Variants in DGKB observed in about 807,000 individuals in gnomAD.
DGKB encodes diacylglycerol kinase beta.
Under a neutral mutation model 114.3 loss-of-function variants are expected in DGKB, and 67 were observed. The ratio of observed to expected loss-of-function variants is 0.59; its 90% CI spans 0.48 to 0.72. The LOEUF is 0.72. Ranked by LOEUF, DGKB falls within the 30% of genes least tolerant of loss-of-function variation. The probability of loss-of-function intolerance (pLI) is 0.00; values close to 1 mark genes in which losing one functional copy is unlikely to be tolerated. For missense variants in DGKB, 907 were observed against 975.2 expected (o/e 0.93, Z 0.93); for synonymous variants, 398 against 323.1 (o/e 1.23, Z -2.49).
At chr7:14,820,731 C>A (rs1278088831) in intron 2 of DGKB, among the ~76,000 whole-genome samples, 1 of 152,104 alleles carries the variant, frequency 6.6e-6, no homozygotes, top group Non-Finnish European at 1.5e-5. Flanking sequence ...AATGCTCCTT[C>A]CTTGACATGT....
At chr7:14,440,958 A>T (rs1830005116) in intron 21 of DGKB, among the ~76,000 whole-genome samples, 1 of 151,978 alleles carries the variant, frequency 6.6e-6, no homozygotes, top group Admixed American at 6.6e-5. Flanking sequence ...GATTTTTCCT[A>T]ATTGAAACCA....
intron 21 of DGKB, among the ~76,000 whole-genome samples, chr7:14,353,118 A>G (rs922054802): frequency 1.3e-5 from 2 of 152,168 alleles, no homozygotes; most frequent in African/African-American, 4.8e-5. Flanking sequence ...AGCAAAATCT[A>G]ACTCAAGAAA....
chr7:14,296,674 A>C lies in DGKB; in HGVS notation c.2122+41841T>G, dbSNP rs536473572. ...AGCAAACAAATTCAAAAGCTAGCAG[A>C]AGACAAGAAGTAACTAAGATCAGAG... On this transcript the variant is annotated intron_variant, in intron 23 of 25. Transcript: ENST00000402815. Among the ~76,000 whole-genome samples, 6 of 152,156 alleles carry C rather than the reference A, an allele frequency of 3.9e-5. No homozygotes were observed. In the East Asian group the frequency reaches 1.2e-3, roughly 29 times the overall value.
chr7:14,608,750 T>C (rs186484983), intron 16 of DGKB, among the ~76,000 whole-genome samples: 29 of 152,078 alleles, frequency 1.9e-4, no homozygotes, highest in Admixed American at 1.6e-3. Flanking sequence ...AAAATAAATG[T>C]ATAAAAATCA....
chr7:14,435,239 A>G (rs1050305022), intron 21 of DGKB, among the ~76,000 whole-genome samples: 1 of 152,152 alleles, frequency 6.6e-6, no homozygotes, highest in Admixed American at 6.6e-5. Context: ...TATCACAAGG[A>G]AAGACTATAA....
chr7:14,411,561 G>A (rs965771659), intron 21 of DGKB, among the ~76,000 whole-genome samples: 1 of 152,078 alleles, frequency 6.6e-6, no homozygotes, highest in Non-Finnish European at 1.5e-5. Flanking sequence ...CTACCACTTG[G>A]TTGCTATGTA....
intron 23 of DGKB, among the ~76,000 whole-genome samples, chr7:14,301,665 G>T (rs1036592965): frequency 6.6e-6 from 1 of 152,030 alleles, no homozygotes; most frequent in Non-Finnish European, 1.5e-5. Context: ...ATGCATCTTT[G>T]TGTATATATA....
At chr7:14,327,604 G>C (rs1024148660) in intron 23 of DGKB, among the ~76,000 whole-genome samples, 4 of 151,968 alleles carry the variant, frequency 2.6e-5, no homozygotes, top group African/African-American at 9.7e-5. Flanking sequence ...ATTTTAAATT[G>C]TTAAATTTGA....
chr7:14,569,499 C>T (rs1019989858), intron 20 of DGKB, among the ~76,000 whole-genome samples: 1 of 152,192 alleles, frequency 6.6e-6, no homozygotes, highest in East Asian at 1.9e-4. Context: ...TTCTAGGAAG[C>T]TAGGTTTGAA....
intron 21 of DGKB, among the ~76,000 whole-genome samples, chr7:14,418,324 T>TAC: frequency 4.9e-5 from 7 of 143,224 alleles, no homozygotes. Flanking sequence ...TGTATGTATA[T>TAC]ATGTATATAT....
chr7:14,949,043 A>G (rs554383295), intron 1 of DGKB, among the ~76,000 whole-genome samples: 5 of 151,878 alleles, frequency 3.3e-5, no homozygotes, highest in Non-Finnish European at 5.9e-5. Flanking sequence ...AAATTGAGAA[A>G]AGACATCTGC....
intron 21 of DGKB, among the ~76,000 whole-genome samples, chr7:14,433,485 C>G (rs568942274): frequency 6.6e-6 from 1 of 151,894 alleles, no homozygotes; most frequent in Admixed American, 6.6e-5. Context: ...TCTCTATAGG[C>G]AAAAATGGGT....
intron 21 of DGKB, among the ~76,000 whole-genome samples, chr7:14,389,277 A>C (rs1173135508): frequency 6.6e-6 from 1 of 152,188 alleles, no homozygotes; most frequent in Non-Finnish European, 1.5e-5. Context: ...TCAAACATAG[A>C]AAATGCTCCA....
At chr7:14,888,442 C>A (rs534143579) in intron 1 of DGKB, among the ~76,000 whole-genome samples, 23 of 151,816 alleles carry the variant, frequency 1.5e-4, no homozygotes, top group African/African-American at 5.5e-4. Context: ...TCATTTTCCT[C>A]TTTGTGTGAA....
At chr7:14,481,828 C>T (rs1348776028) in intron 20 of DGKB, among the ~76,000 whole-genome samples, 2 of 151,860 alleles carry the variant, frequency 1.3e-5, no homozygotes, top group African/African-American at 2.4e-5. Context: ...GTTTTCGGTG[C>T]TGTATTTGTT....
At chr7:14,215,569 G>A (rs1000057241) in intron 23 of DGKB, among the ~76,000 whole-genome samples, 11 of 152,146 alleles carry the variant, frequency 7.2e-5, no homozygotes, top group Admixed American at 2.6e-4. Context: ...TGTTTTACAC[G>A]TTTTATCTCA....
At chr7:14,218,628 A>G (rs1789400958) in intron 23 of DGKB, among the ~76,000 whole-genome samples, 1 of 152,072 alleles carries the variant, frequency 6.6e-6, no homozygotes, top group Non-Finnish European at 1.5e-5. Flanking sequence ...AAGGAAGATA[A>G]GGGGAAGCTG....
In DGKB at chr7:14,364,725, G is replaced by A. The variant is rs147591479; in HGVS notation, c.1836-19334C>T. On this transcript the variant is annotated intron_variant, in intron 21 of 25. Coordinates refer to ENST00000402815, the MANE Select transcript of DGKB (RefSeq NM_001350709.2). Reference sequence around the variant, plus strand: ...AGGAAATAGCTAAGAGGGAGATGCCGCCCATGAGAGATTTAATCATAGGAA... The same window carrying A: ...AGGAAATAGCTAAGAGGGAGATGCCACCCATGAGAGATTTAATCATAGGAA... 3.3e-3 allele frequency among the ~76,000 whole-genome samples: 508 copies of A among 151,964 alleles called. 2 individuals carry two copies. The highest frequency in any genetic ancestry group is 7.7e-3 in the African/African-American group (319 of 41,482).
chr7:14,402,187 A>T (rs1344438901), intron 21 of DGKB, among the ~76,000 whole-genome samples: 1 of 151,782 alleles, frequency 6.6e-6, no homozygotes, highest in Admixed American at 6.6e-5. Flanking sequence ...TTATTTTTTA[A>T]AAGAAAGAAG....
Sources: gnomAD v4.1 joint callset for allele counts (sites outside exome capture counted in the v4.1 genomes callset) on GRCh38, gnomAD v4.1.1 for gene constraint, MANE v1.5 for transcripts, NCBI Gene and HGNC (gene_info 2026-07-23, HGNC 2026-07-21) for gene names.